Variants in CHL1 observed in about 807,000 individuals in gnomAD.
CHL1 encodes neural cell adhesion molecule L1-like protein.
CHL1 carries 96 observed loss-of-function variants against 141.9 expected under a neutral mutation model. The observed-to-expected ratio is 0.68, with a 90% CI of 0.57 to 0.80. CHL1 has a LOEUF of 0.80. Ranked by LOEUF, CHL1 falls within the 30% of genes least tolerant of loss-of-function variation. CHL1 has a pLI of 0.00. For synonymous variants in CHL1, 613 were observed against 502.2 expected, an observed-to-expected ratio of 1.22 and a Z score of -2.95; for missense variants, 1,820 against 1,457.2, an observed-to-expected ratio of 1.25 and a Z score of -4.05.
intron 24 of CHL1, among the ~76,000 whole-genome samples, chr3:397,162 T>A (rs1174329800): frequency 6.6e-6 from 1 of 152,170 alleles, no homozygotes; most frequent in Non-Finnish European, 1.5e-5. Context: ...CTTGCTTTAC[T>A]CTATTTTTCA....
chr3:239,607 T>TATA (rs1692358216), intron 1 of CHL1, among the ~76,000 whole-genome samples: 1 of 140,498 alleles, frequency 7.1e-6, no homozygotes, highest in Non-Finnish European at 1.6e-5. Context: ...AATATATATA[T>TATA]TTTAAAATTA....
rs200503557 is a variant in CHL1, at chr3:349,511, C to G, written c.1001C>G (p.Thr334Arg). The part of the protein sequence containing the change: ...YRCTASNFLG[T>R]ATHDFHVIVE... ...TGCACAGCCAGCAATTTCTTGGGAACAGCCACTCACGATTTTCACGTTATA... is the reference window on the plus strand; with the variant it reads ...TGCACAGCCAGCAATTTCTTGGGAAGAGCCACTCACGATTTTCACGTTATA... The change falls in exon 10 of 28, where the codon ACA becomes AGA. Residue 334 changes from threonine to arginine, a missense_variant. Thr to Arg is a moderately conservative substitution (Grantham distance 71). Coordinates refer to ENST00000256509, the MANE Select transcript of CHL1 (RefSeq NM_006614.4). 1.2e-6 allele frequency: 2 copies of G among 1,613,656 alleles called. No individual in the cohort carries two copies. Among genetic ancestry groups the G allele is most frequent in the South Asian group, 2.2e-5 (2 of 91,066 alleles).
intron 1 of CHL1, among the ~76,000 whole-genome samples, chr3:218,166 T>C (rs1291103625): frequency 6.6e-6 from 1 of 152,154 alleles, no homozygotes. Context: ...AGTGATTGGG[T>C]GATTTCCAAA....
intron 1 of CHL1, chr3:197,542 A>C: frequency 3.7e-6 from 1 of 267,930 alleles, no homozygotes; most frequent in Non-Finnish European, 7.7e-6. Context: ...GCTCCCCTGG[A>C]CACCGCCTGG....
chr3:233,704 A>C (rs866129597), intron 1 of CHL1, among the ~76,000 whole-genome samples: 10 of 152,154 alleles, frequency 6.6e-5, no homozygotes, highest in African/African-American at 2.2e-4. Context: ...GCTTTATTTC[A>C]CCTAATATTA....
intron 1 of CHL1, among the ~76,000 whole-genome samples, chr3:204,440 G>C (rs1699231788): frequency 6.6e-6 from 1 of 152,202 alleles, no homozygotes; most frequent in Admixed American, 6.5e-5. Context: ...TGAAGGAATA[G>C]ACCAGAATGC....
intron 2 of CHL1, among the ~76,000 whole-genome samples, chr3:270,118 C>T (rs778695916): frequency 5.3e-5 from 8 of 151,894 alleles, no homozygotes; most frequent in Admixed American, 1.3e-4. Flanking sequence ...ATAGTTCTGG[C>T]CAGAAATGGG....
intron 24 of CHL1, among the ~76,000 whole-genome samples, chr3:395,736 G>A (rs1407023947): frequency 6.6e-6 from 1 of 152,166 alleles, no homozygotes; most frequent in South Asian, 2.1e-4. Flanking sequence ...ATTAAAAGTA[G>A]TAATGGCAAA....
At chr3:328,458 A>C (rs1701179728) in intron 5 of CHL1, 104 bp downstream of exon 5, 1 of 913,462 alleles carries the variant, frequency 1.1e-6, no homozygotes, top group Non-Finnish European at 1.6e-6. Context: ...AACTAAATCA[A>C]CTTATATGTG....
At chr3:356,634 G>A (rs1205639424) in intron 11 of CHL1, among the ~76,000 whole-genome samples, 1 of 152,152 alleles carries the variant, frequency 6.6e-6, no homozygotes, top group Non-Finnish European at 1.5e-5. Context: ...GACCCCTGTG[G>A]TAATTTACCT....
chr3:276,276 T>TA (rs1559368781), intron 2 of CHL1, among the ~76,000 whole-genome samples: 1 of 152,220 alleles, frequency 6.6e-6, no homozygotes, highest in Non-Finnish European at 1.5e-5. Context: ...CCATTGTAGA[T>TA]ACTCAATAAA....
At chr3:273,955 G>T (rs1574928061) in intron 2 of CHL1, among the ~76,000 whole-genome samples, 1 of 152,042 alleles carries the variant, frequency 6.6e-6, no homozygotes, top group African/African-American at 2.4e-5. Context: ...CATTCTTTTT[G>T]GGTAAAGATC....
At chr3:268,539 A>C (rs1695359696) in intron 2 of CHL1, among the ~76,000 whole-genome samples, 1 of 152,218 alleles carries the variant, frequency 6.6e-6, no homozygotes, top group African/African-American at 2.4e-5. Context: ...CATCTAAAAA[A>C]AATAAAATAA....
rs140374650 is a variant in CHL1, at chr3:363,103, A to T, written c.1419-114A>T. 1.9e-5 allele frequency: 15 copies of T among 792,104 alleles called. No homozygotes were observed. In the African/African-American group the frequency reaches 2.1e-4, roughly 11 times the overall value. The allele number at this position is 792,104 out of a possible 1,614,324, so 49.1% of individuals were successfully genotyped here. On this transcript the variant is annotated intron_variant, in intron 13 of 27. Transcript: ENST00000256509. ...ATGAAACCCACTGGAACATTTCATG[A>T]GGTTTTCTGAGCTATTGAAAGGGGA...
chr3:309,493 C>T (rs1266544202), intron 2 of CHL1, among the ~76,000 whole-genome samples: 1 of 142,106 alleles, frequency 7.0e-6, no homozygotes, highest in Non-Finnish European at 1.5e-5. Context: ...CTCTTTCTTT[C>T]TTTTTCTCCT....
intron 6 of CHL1, among the ~76,000 whole-genome samples, chr3:341,395 T>A (rs1338017917): frequency 2.0e-5 from 3 of 152,168 alleles, no homozygotes; most frequent in Non-Finnish European, 4.4e-5. Context: ...AGAAAGCAAA[T>A]GAAGCTACTC....
chr3:319,405 CAT>C (rs1354392988), intron 2 of CHL1, among the ~76,000 whole-genome samples: 19 of 151,698 alleles, frequency 1.3e-4, no homozygotes, highest in African/African-American at 3.4e-4. Flanking sequence ...AAAAACCACT[CAT>C]GTGTATAATA....
Position 319,856 on chromosome 3 carries a change from T to C in CHL1, c.80T>C (p.Ile27Thr). ...TTAAAATTCTCAAAAGCAATTGAAATACCATCTTCAGGTAAAGTTAAAACA... is the reference window on the plus strand; with the variant it reads ...TTAAAATTCTCAAAAGCAATTGAAACACCATCTTCAGGTAAAGTTAAAACA... ...LLLKFSKAIE[I>T]PSSVQQVPTI... Residue 27 changes from isoleucine (I) to threonine (T), a missense_variant, in exon 3 of 28, where the codon ATA becomes ACA. Coordinates refer to ENST00000256509, the MANE Select transcript of CHL1 (RefSeq NM_006614.4). 1 of 1,579,780 alleles carries C rather than the reference T, an allele frequency of 6.3e-7. No individual in the cohort carries two copies.
chr3:262,459 C>T (rs1290313439), intron 2 of CHL1, among the ~76,000 whole-genome samples: 2 of 109,260 alleles, frequency 1.8e-5, no homozygotes, highest in Non-Finnish European at 3.4e-5. Context: ...AGGATTCACA[C>T]GTTTAAGCCT....
Sources: gnomAD v4.1 joint callset for allele counts (sites outside exome capture counted in the v4.1 genomes callset) on GRCh38, gnomAD v4.1.1 for gene constraint, MANE v1.5 for transcripts, NCBI Gene and HGNC (gene_info 2026-07-23, HGNC 2026-07-21) for gene names.